SDK1: variants seen among roughly 807,000 people sequenced by gnomAD.
SDK1 encodes the protein sidekick cell adhesion molecule 1, also known as protein sidekick-1.
A neutral mutation model predicts 245.5 loss-of-function variants in SDK1; 157 were observed. The observed-to-expected ratio is 0.64, with a 90% confidence interval of 0.56 to 0.73. SDK1 has a LOEUF of 0.73. Ranked by LOEUF, SDK1 falls within the 30% of genes least tolerant of loss-of-function variation. The pLI is 0.00. For synonymous variants in SDK1, 1,647 were observed against 1,278.5 expected (o/e 1.29, Z -6.15); for missense variants, 3,583 against 3,002.3 (o/e 1.19, Z -4.52).
chr7:3,390,895 A>G (rs1461958156), intron 1 of SDK1, among the ~76,000 whole-genome samples: 2 of 152,166 alleles, frequency 1.3e-5, no homozygotes, highest in African/African-American at 4.8e-5. Context: ...TAGGAAATGA[A>G]TATGTCTTCT....
chr7:3,336,174 C>T lies in SDK1; in HGVS notation c.298+34290C>T, dbSNP rs181342894. Among the ~76,000 whole-genome samples the T allele has an allele frequency of 8.0e-4, 122 of 152,340 alleles. 1 individual carries two copies. The highest frequency in any genetic ancestry group is 2.7e-3 in the South Asian group (13 of 4,828). On this transcript the variant is annotated intron_variant, in intron 1 of 44. Coordinates refer to ENST00000404826, the MANE Select transcript of SDK1 (RefSeq NM_152744.4). ...CAGTACTCACTCTGCTCCAGCTAAA[C>T]CAAGGAAACTGCCCTCCTCCCTTCC...
intron 40 of SDK1, among the ~76,000 whole-genome samples, chr7:4,226,329 CTCTA>C (rs1785444303): frequency 6.6e-6 from 1 of 152,204 alleles, no homozygotes; most frequent in African/African-American, 2.4e-5. Context: ...CCTGATGTCT[CTCTA>C]TCCAGCTGAG....
intron 1 of SDK1, among the ~76,000 whole-genome samples, chr7:3,415,761 A>G (rs1326533027): frequency 6.6e-6 from 1 of 151,352 alleles, no homozygotes; most frequent in African/African-American, 2.4e-5. Context: ...TTTCTGTTAC[A>G]TGACTGTACA....
intron 1 of SDK1, among the ~76,000 whole-genome samples, chr7:3,447,413 A>G (rs1017878851): frequency 2.0e-5 from 3 of 148,752 alleles, no homozygotes; most frequent in Non-Finnish European, 4.5e-5. Context: ...TGCTCAAACA[A>G]GTACACACAC....
intron 13 of SDK1, 28 bp from the exon 14 acceptor site, chr7:3,987,158 T>C (rs201387783): frequency 6.2e-7 from 1 of 1,613,112 alleles, no homozygotes; most frequent in Non-Finnish European, 8.5e-7. Context: ...GTTTTCCTCT[T>C]TTTCCTTTTC....
At chr7:4,186,111 G>A (rs548841774) in intron 35 of SDK1, among the ~76,000 whole-genome samples, 5 of 152,336 alleles carry the variant, frequency 3.3e-5, no homozygotes, top group South Asian at 2.1e-4. Context: ...AAAACAAAAC[G>A]AAACAAAATA....
At chr7:4,263,355 G>C (rs4720208) in intron 44 of SDK1, among the ~76,000 whole-genome samples, 7,055 of 151,324 alleles carry the variant, frequency 0.047, 228 homozygotes, top group South Asian at 0.06. Context: ...GGGCCTGTGT[G>C]GGGAGGCTGC....
At chr7:3,535,911 T>G (rs909820366) in intron 1 of SDK1, among the ~76,000 whole-genome samples, 2 of 152,182 alleles carry the variant, frequency 1.3e-5, no homozygotes, top group African/African-American at 4.8e-5. Flanking sequence ...TAGAAATGCT[T>G]TTATGTAAAC....
intron 1 of SDK1, among the ~76,000 whole-genome samples, chr7:3,330,811 A>AG: frequency 6.6e-6 from 1 of 150,480 alleles, no homozygotes; most frequent in Non-Finnish European, 1.5e-5. Context: ...TTCGCTTAAA[A>AG]AAAAAAAAAA....
At chr7:3,417,139 A>T (rs920089960) in intron 1 of SDK1, among the ~76,000 whole-genome samples, 2 of 152,216 alleles carry the variant, frequency 1.3e-5, no homozygotes, top group South Asian at 2.1e-4. Flanking sequence ...GCGCCACTGC[A>T]CTCAAGCCTG....
chr7:3,620,970 TG>T (rs1781920541), intron 2 of SDK1, among the ~76,000 whole-genome samples: 1 of 152,178 alleles, frequency 6.6e-6, no homozygotes, highest in African/African-American at 2.4e-5. Context: ...ATCCTAGGAC[TG>T]GCAGAATTCA....
intron 4 of SDK1, among the ~76,000 whole-genome samples, chr7:3,779,918 G>A (rs1053994368): frequency 2.7e-4 from 37 of 134,752 alleles, no homozygotes; most frequent in Admixed American, 2.6e-3. Flanking sequence ...CGGCCTGGGC[G>A]ACAGAGGGAG....
intron 4 of SDK1, among the ~76,000 whole-genome samples, chr7:3,802,920 C>T (rs1014153879): frequency 2.6e-5 from 4 of 152,178 alleles, no homozygotes; most frequent in Non-Finnish European, 4.4e-5. Context: ...ACAAATAAAG[C>T]TGCTATGAAC....
In SDK1 at chr7:3,867,053, C is replaced by T. The variant is rs144480949; in HGVS notation, c.847+45470C>T. ...AATAAACGTGGCTGGTATGAGTGGGCGCAGGCCTTCATTCCCCGTGCTAAT... is the reference window on the plus strand; with the variant it reads ...AATAAACGTGGCTGGTATGAGTGGGTGCAGGCCTTCATTCCCCGTGCTAAT... On this transcript the variant is annotated intron_variant, in intron 5 of 44. Transcript: ENST00000404826. Among the ~76,000 whole-genome samples, 75 of 152,214 alleles carry T rather than the reference C, an allele frequency of 4.9e-4. No homozygotes were observed. In the South Asian group the frequency reaches 6.0e-3, roughly 12 times the overall value.
At chr7:4,061,797 C>A (rs1339679458) in intron 19 of SDK1, among the ~76,000 whole-genome samples, 1 of 151,844 alleles carries the variant, frequency 6.6e-6, no homozygotes, top group Admixed American at 6.6e-5. Context: ...GAATACTATG[C>A]AGCCATAAAA....
At chr7:4,209,117 C>A (rs932238093) in intron 37 of SDK1, among the ~76,000 whole-genome samples, 6 of 152,234 alleles carry the variant, frequency 3.9e-5, no homozygotes, top group African/African-American at 7.2e-5. Flanking sequence ...CATGTGCTGA[C>A]CACAACCAGG....
chr7:3,597,621 A>T (rs889641776), intron 1 of SDK1, among the ~76,000 whole-genome samples: 3 of 152,176 alleles, frequency 2.0e-5, no homozygotes, highest in African/African-American at 7.2e-5. Flanking sequence ...GTTTCCTTAC[A>T]GTCTTAGTTT....
intron 5 of SDK1, among the ~76,000 whole-genome samples, chr7:3,834,700 T>A (rs971943954): frequency 1.3e-5 from 2 of 152,168 alleles, no homozygotes; most frequent in Admixed American, 6.5e-5. Context: ...TTATTGATAA[T>A]TGTTTTTCAT....
chr7:3,847,057 C>CTT (rs796288879), intron 5 of SDK1, among the ~76,000 whole-genome samples: 1 of 146,088 alleles, frequency 6.8e-6, no homozygotes, highest in African/African-American at 2.5e-5. Context: ...AATCACGCTT[C>CTT]TTTTTTTTTT....
Sources: gnomAD v4.1 joint callset for allele counts (sites outside exome capture counted in the v4.1 genomes callset) on GRCh38, gnomAD v4.1.1 for gene constraint, MANE v1.5 for transcripts, NCBI Gene and HGNC (gene_info 2026-07-23, HGNC 2026-07-21) for gene names.